Variants in CHD7 observed in about 807,000 individuals in gnomAD.
CHD7 encodes the protein chromodomain helicase DNA binding protein 7, also known as ATP-dependent chromatin remodeler CHD7.
In CHD7, 24 loss-of-function variants were observed where a neutral mutation model predicts 307.3. The observed-to-expected ratio is 0.08, with a 90% CI of 0.06 to 0.11. The LOEUF (loss-of-function observed/expected upper bound fraction) is 0.11, where lower values mean the gene tolerates loss of function less well. Among genes scored for constraint, CHD7 ranks in the 10% least tolerant of loss-of-function variants. CHD7 has a pLI of 1.00. For missense variants in CHD7, 3,106 were observed against 3,727.1 expected (o/e 0.83, Z 4.34); for synonymous variants, 1,363 against 1,349.9 (o/e 1.01, Z -0.21).
At chr8:60,732,596 A>G (rs1305947506) in intron 1 of CHD7, among the ~76,000 whole-genome samples, 1 of 152,164 alleles carries the variant, frequency 6.6e-6, no homozygotes, top group Non-Finnish European at 1.5e-5. Context: ...TAAGTCTAGA[A>G]TAAGTGGGAA....
intron 1 of CHD7, among the ~76,000 whole-genome samples, chr8:60,682,067 A>G (rs1218401528): frequency 6.6e-6 from 1 of 152,214 alleles, no homozygotes; most frequent in African/African-American, 2.4e-5. Context: ...AAAAACCCAA[A>G]TATTATTTTC....
intron 1 of CHD7, among the ~76,000 whole-genome samples, chr8:60,684,157 A>C (rs537032429): frequency 8.5e-5 from 13 of 152,172 alleles, no homozygotes; most frequent in African/African-American, 1.7e-4. Flanking sequence ...AAAATAACGT[A>C]GGTATTTATG....
rs556844647 is a variant in CHD7, at chr8:60,816,875, T to A, written c.2613+374T>A. On this transcript the variant is annotated intron_variant, in intron 8 of 37. Transcript: ENST00000423902. ...TTCTAAGATACAAAAGCTTGACTTCTGTTGGGGAAAGTATGTGGCAAATTT... is the reference window on the plus strand; with the variant it reads ...TTCTAAGATACAAAAGCTTGACTTCAGTTGGGGAAAGTATGTGGCAAATTT... Among the ~76,000 whole-genome samples, 335 of 152,358 alleles carry A rather than the reference T, an allele frequency of 2.2e-3. 2 individuals are homozygous for A. Among genetic ancestry groups the A allele is most frequent in the African/African-American group, 7.8e-3 (323 of 41,582 alleles).
At chr8:60,815,566 A>C (rs1803694516) in intron 7 of CHD7, among the ~76,000 whole-genome samples, 1 of 152,212 alleles carries the variant, frequency 6.6e-6, no homozygotes, top group Non-Finnish European at 1.5e-5. Context: ...AGAAAAGGGA[A>C]GTGCATATGT....
chr8:60,788,582 T>G (rs1811612234), intron 3 of CHD7, among the ~76,000 whole-genome samples: 1 of 152,032 alleles, frequency 6.6e-6, no homozygotes, highest in South Asian at 2.1e-4. Context: ...ACTAGAAGAG[T>G]AGGGTAAAGA....
At chr8:60,854,034 C>T (rs1432391739) in intron 31 of CHD7, among the ~76,000 whole-genome samples, 1 of 152,138 alleles carries the variant, frequency 6.6e-6, no homozygotes, top group African/African-American at 2.4e-5. Flanking sequence ...GAAGGTCAGC[C>T]CTTTTTTCTG....
At chr8:60,840,679 G>A (rs545791707) in intron 19 of CHD7, among the ~76,000 whole-genome samples, 23 of 151,142 alleles carry the variant, frequency 1.5e-4, no homozygotes, top group East Asian at 3.9e-4. Context: ...GTGTAGTGGC[G>A]CAATCTCGGC....
In CHD7 at chr8:60,820,024, T is replaced by C; in HGVS notation, c.2631T>C (p.Phe877=). The C allele has an allele frequency of 1.3e-6, 2 of 1,597,862 alleles. No individual in the cohort carries two copies. The highest frequency in any genetic ancestry group is 2.2e-5 in the South Asian group (2 of 89,494). The change falls in exon 9 of 38, where the codon TTT becomes TTC. Residue 877 remains phenylalanine, a synonymous_variant. Coordinates refer to ENST00000423902, the MANE Select transcript of CHD7 (RefSeq NM_017780.4). ...TGGTGTAGATTGAGGATGAGCTTTT[T>C]AATCCAGATTATGTGGAGGTTGACC... The part of the protein sequence containing the change: ...KFLSEIEDEL[F]NPDYVEVDRI...
At chr8:60,693,200 G>T (rs778557839) in intron 1 of CHD7, among the ~76,000 whole-genome samples, 6 of 152,150 alleles carry the variant, frequency 3.9e-5, no homozygotes, top group African/African-American at 1.4e-4. Context: ...CCCCCTTGGC[G>T]GTCAGAGCGC....
chr8:60,715,267 C>T (rs1807532663), intron 1 of CHD7, among the ~76,000 whole-genome samples: 1 of 151,498 alleles, frequency 6.6e-6, no homozygotes, highest in African/African-American at 2.4e-5. Context: ...TGTATGTATC[C>T]CTCATAGAAT....
intron 3 of CHD7, among the ~76,000 whole-genome samples, chr8:60,789,481 A>G (rs1352838788): frequency 6.6e-6 from 1 of 152,240 alleles, no homozygotes; most frequent in Non-Finnish European, 1.5e-5. Flanking sequence ...AACTTATCCC[A>G]TCTGAAGAGA....
intron 3 of CHD7, among the ~76,000 whole-genome samples, chr8:60,784,816 A>G (rs1349437280): frequency 6.6e-6 from 1 of 152,224 alleles, no homozygotes; most frequent in Non-Finnish European, 1.5e-5. Context: ...AAAGATGTTC[A>G]GCATCACAGA....
At chr8:60,823,796 T>C (rs1448344781) in intron 12 of CHD7, 44 bp from the exon 13 acceptor site, 1 of 1,487,014 alleles carries the variant, frequency 6.7e-7, no homozygotes, top group East Asian at 2.3e-5. Flanking sequence ...AAGTTATTTA[T>C]GTAACCATTA....
intron 21 of CHD7, among the ~76,000 whole-genome samples, chr8:60,844,255 G>A (rs540578201): frequency 1.7e-4 from 26 of 152,276 alleles, no homozygotes; most frequent in Admixed American, 4.6e-4. Context: ...GTCCATAGTC[G>A]TTTCTCCCAC....
chr8:60,750,891 C>T (rs1809609797), intron 2 of CHD7, among the ~76,000 whole-genome samples: 1 of 152,154 alleles, frequency 6.6e-6, no homozygotes, highest in African/African-American at 2.4e-5. Context: ...AGTCATCCTC[C>T]AAGACAGGTG....
intron 1 of CHD7, among the ~76,000 whole-genome samples, chr8:60,692,828 T>G (rs1806268947): frequency 6.6e-6 from 1 of 152,164 alleles, no homozygotes; most frequent in African/African-American, 2.4e-5. Flanking sequence ...TATAGCCTGT[T>G]CTCAGGGGTT....
chr8:60,771,528 A>G (rs767585984), intron 2 of CHD7, among the ~76,000 whole-genome samples: 1 of 152,190 alleles, frequency 6.6e-6, no homozygotes, highest in Non-Finnish European at 1.5e-5. Context: ...ACTCTGTACC[A>G]CAAACTTTAT....
At chr8:60,714,864 C>G (rs144178607) in intron 1 of CHD7, among the ~76,000 whole-genome samples, 2 of 152,358 alleles carry the variant, frequency 1.3e-5, no homozygotes, top group Admixed American at 1.3e-4. Flanking sequence ...ATGGTAATGC[C>G]TGTTGCTGAC....
chr8:60,848,021 G>A (rs1805290341), intron 23 of CHD7, among the ~76,000 whole-genome samples: 1 of 152,064 alleles, frequency 6.6e-6, no homozygotes, highest in Non-Finnish European at 1.5e-5. Flanking sequence ...ATTCCATATT[G>A]AGGGTTTATT....
Sources: gnomAD v4.1 joint callset for allele counts (sites outside exome capture counted in the v4.1 genomes callset) on GRCh38, gnomAD v4.1.1 for gene constraint, MANE v1.5 for transcripts, NCBI Gene and HGNC (gene_info 2026-07-23, HGNC 2026-07-21) for gene names.